Variants in MTCL2 observed in about 807,000 individuals in gnomAD.
MTCL2 encodes the protein microtubule crosslinking factor 2, also known as microtubule cross-linking factor 2.
At chr20:36,809,477 T>C in the MTCL2 span, among the ~76,000 whole-genome samples, 1 of 151,850 alleles carries the variant, frequency 6.6e-6, no homozygotes, top group Admixed American at 6.6e-5. Flanking sequence ...AGGCCGCCAA[T>C]GACAGCCCTG....
chr20:36,809,578 C>CTTT, the MTCL2 span, among the ~76,000 whole-genome samples: 3 of 124,168 alleles, frequency 2.4e-5, no homozygotes, highest in East Asian at 2.4e-4. Flanking sequence ...TTCTTTCATT[C>CTTT]TTTTTTTTTT....
the MTCL2 span, among the ~76,000 whole-genome samples, chr20:36,833,758 G>C: frequency 2.0e-5 from 3 of 152,220 alleles, no homozygotes; most frequent in African/African-American, 7.2e-5. Flanking sequence ...AGCTGAGACA[G>C]GAGGATCCCT....
chr20:36,862,183 T>G, the MTCL2 span, among the ~76,000 whole-genome samples: 6 of 152,216 alleles, frequency 3.9e-5, no homozygotes, highest in Non-Finnish European at 8.8e-5. Context: ...GAGACAGGCC[T>G]GCGCCCGGGA....
the MTCL2 span, chr20:36,810,102 C>A: frequency 6.3e-7 from 1 of 1,595,242 alleles, no homozygotes; most frequent in East Asian, 2.3e-5. Flanking sequence ...GCTGCAGCTC[C>A]TTGATCTGTG....
chr20:36,808,603 G>A, the MTCL2 span: 1 of 1,611,984 alleles, frequency 6.2e-7, no homozygotes, highest in Non-Finnish European at 8.5e-7. Flanking sequence ...GCAGCAGGAA[G>A]TTGTGCTTGA....
the MTCL2 span, among the ~76,000 whole-genome samples, chr20:36,817,234 T>G: frequency 1.5e-5 from 2 of 137,140 alleles, no homozygotes; most frequent in Non-Finnish European, 3.0e-5. Context: ...GCCACTGCAC[T>G]GCAGCCTGGG....
At chr20:36,862,607 T>C in the MTCL2 span, 2 of 1,442,630 alleles carry the variant, frequency 1.4e-6, no homozygotes. Flanking sequence ...CCCGCGGGAC[T>C]GTGACAGCCG....
the MTCL2 span, among the ~76,000 whole-genome samples, chr20:36,796,198 T>C: frequency 6.6e-6 from 1 of 152,220 alleles, no homozygotes; most frequent in Non-Finnish European, 1.5e-5. Flanking sequence ...ACCAGGCATA[T>C]GGAAATGCAC....
chr20:36,857,146 A>T, the MTCL2 span, among the ~76,000 whole-genome samples: 12 of 152,164 alleles, frequency 7.9e-5, no homozygotes, highest in Admixed American at 3.9e-4. Context: ...GTGTGTGTGT[A>T]TAACGTCTGT....
chr20:36,839,597 AG>A, the MTCL2 span, among the ~76,000 whole-genome samples: 1 of 152,230 alleles, frequency 6.6e-6, no homozygotes, highest in Non-Finnish European at 1.5e-5. The surrounding 1 kb of genome is among the most constrained non-coding windows in gnomAD (Gnocchi z 5.1). Flanking sequence ...TCACATTCCC[AG>A]GATCTGTGAA....
At chr20:36,840,570 T>C in the MTCL2 span, among the ~76,000 whole-genome samples, 1 of 150,552 alleles carries the variant, frequency 6.6e-6, no homozygotes, top group Non-Finnish European at 1.5e-5. Context: ...ATGGATGAGG[T>C]TGGGCACGGT....
the MTCL2 span, among the ~76,000 whole-genome samples, chr20:36,822,041 C>T: frequency 6.6e-6 from 1 of 152,256 alleles, no homozygotes; most frequent in Admixed American, 6.5e-5. Flanking sequence ...GAGTTCCACC[C>T]TTTTCTGGTA....
chr20:36,863,476 C>A, the MTCL2 span: 1 of 601,410 alleles, frequency 1.7e-6, no homozygotes, highest in Non-Finnish European at 2.2e-6. This position sits in a 1 kb window ranked among gnomAD's most constrained non-coding sequence, Gnocchi z 6.2. Flanking sequence ...TCGGCCCCGA[C>A]ACCGCGTCCC....
the MTCL2 span, among the ~76,000 whole-genome samples, chr20:36,823,250 T>C: frequency 6.6e-6 from 1 of 152,218 alleles, no homozygotes; most frequent in Admixed American, 6.5e-5. Context: ...CAAGGACAGA[T>C]GGAGCCAACT....
chr20:36,828,738 G>A, the MTCL2 span: 17 of 292,438 alleles, frequency 5.8e-5, no homozygotes, highest in Non-Finnish European at 1.1e-4. Context: ...ATTGTTGCAT[G>A]TTTTCTCAGT....
the MTCL2 span, chr20:36,794,826 T>A: frequency 1.7e-6 from 1 of 590,354 alleles, no homozygotes; most frequent in Non-Finnish European, 3.0e-6. The surrounding 1 kb of genome is among the most constrained non-coding windows in gnomAD (Gnocchi z 5.4). Flanking sequence ...TGGAATGCAG[T>A]AGTGCAATAA....
chr20:36,820,081 G>A, the MTCL2 span, among the ~76,000 whole-genome samples: 16 of 152,194 alleles, frequency 1.1e-4, no homozygotes, highest in African/African-American at 3.6e-4. Context: ...AAGGATCTAG[G>A]CCCACCTATT....
chr20:36,852,592 C>G, the MTCL2 span, among the ~76,000 whole-genome samples: 2 of 152,192 alleles, frequency 1.3e-5, no homozygotes, highest in African/African-American at 4.8e-5. Flanking sequence ...TCCCTTCATA[C>G]CCAGGGACAG....
the MTCL2 span, among the ~76,000 whole-genome samples, chr20:36,824,173 G>C: frequency 1.7e-3 from 246 of 140,638 alleles, no homozygotes; most frequent in African/African-American, 6.2e-3. Flanking sequence ...TCTACATCCT[G>C]CAGTTCTACT....
Sources: allele counts gnomAD v4.1 joint callset (sites outside exome capture counted in the v4.1 genomes callset), GRCh38; gene constraint gnomAD v4.1.1; non-coding constraint Gnocchi (gnomAD v3.1); transcripts MANE v1.5; gene names NCBI Gene and HGNC (gene_info 2026-07-23, HGNC 2026-07-21).